Variants in ZNF382 observed in about 807,000 individuals in gnomAD.
ZNF382 encodes KRAB/zinc finger suppressor protein 1.
Under a neutral mutation model 38.8 loss-of-function variants are expected in ZNF382, and 20 were observed. That is an observed-to-expected ratio of 0.51 (90% CI 0.36 to 0.75). The LOEUF (loss-of-function observed/expected upper bound fraction) is 0.75. Among genes scored for constraint, ZNF382 ranks in the 30% least tolerant of loss-of-function variants. The probability of loss-of-function intolerance (pLI) is 0.00; values close to 1 mark genes in which losing one functional copy is unlikely to be tolerated. For missense variants in ZNF382, 546 were observed against 654.1 expected, an observed-to-expected ratio of 0.83 and a Z score of 1.80; for synonymous variants, 202 against 223.1, an observed-to-expected ratio of 0.91 and a Z score of 0.84.
rs1568632290 is a variant in ZNF382 at position 36,626,314 on chromosome 19, T to C, written c.417T>C (p.Asp139=). 6.3e-7 allele frequency: 1 copy of C among 1,584,290 alleles called. No homozygotes were observed. Among genetic ancestry groups the C allele is most frequent in the African/African-American group, 1.4e-5 (1 of 72,996 alleles). ...SKTILCEYKP[D]GKVLKNISEL... is the part of the protein sequence containing the mutation. The stretch of plus-strand genomic sequence containing the variant: ...CAATACTATGTGAATATAAACCTGA[T>C]GGAAAAGTTTTGAAAAATATTTCAG... Residue 139 remains aspartate (D), a synonymous_variant, in exon 5 of 5, where the codon GAT becomes GAC. Coordinates refer to ENST00000292928, the MANE Select transcript of ZNF382 (RefSeq NM_032825.5).
chr19:36,626,720 A>G lies in ZNF382; in HGVS notation c.823A>G (p.Lys275Glu), dbSNP rs767533735. 1 of 1,614,110 alleles carries G rather than the reference A, an allele frequency of 6.2e-7. No homozygotes were observed. Among genetic ancestry groups the G allele is most frequent in the Non-Finnish European group, 8.5e-7 (1 of 1,180,038 alleles). ...KKPSAYNKYG[K>E]FLCRKPVFIM... ...GCCCTCTGCCTACAACAAATATGGG[A>G]AATTCCTCTGCAGAAAGCCTGTTTT... The change falls in exon 5 of 5, where the codon AAA (lysine) becomes GAA (glutamate). Residue 275 changes from lysine (K) to glutamate (E), a missense_variant. By Grantham distance (56) the Lys-to-Glu change is moderately conservative. Transcript: ENST00000292928.
chr19:36,623,526 A>T (rs2037185804), intron 4 of ZNF382, among the ~76,000 whole-genome samples: 1 of 152,090 alleles, frequency 6.6e-6, no homozygotes, highest in South Asian at 2.1e-4. Context: ...GCAGTCGCTC[A>T]CTCCTGTAAT....
chr19:36,607,691 C>T, intron 2 of ZNF382, 69 bp downstream of exon 2: 1 of 1,381,878 alleles, frequency 7.2e-7, no homozygotes, highest in Non-Finnish European at 9.6e-7. Flanking sequence ...GCTTCACTGT[C>T]CTTTAACCTT....
At chr19:36,626,016 TG>T in intron 4 of ZNF382, 113 bp from the exon 5 acceptor site, 1 of 637,012 alleles carries the variant, frequency 1.6e-6, no homozygotes, top group Non-Finnish European at 2.4e-6. Flanking sequence ...TAATTTATTC[TG>T]GCCTTTTTGT....
chr19:36,615,461 C>G (rs917455920), intron 4 of ZNF382, among the ~76,000 whole-genome samples: 4 of 152,182 alleles, frequency 2.6e-5, no homozygotes, highest in African/African-American at 9.7e-5. Flanking sequence ...CATATTTCCT[C>G]ATAGTACAAT....
chr19:36,611,332 C>G (rs1220703372), intron 4 of ZNF382, among the ~76,000 whole-genome samples: 1 of 151,948 alleles, frequency 6.6e-6, no homozygotes, highest in Non-Finnish European at 1.5e-5. Flanking sequence ...ATCCCTACTC[C>G]CTAGCCATGC....
rs540741810 is a variant in ZNF382 at position 36,606,198 on chromosome 19, A to G, written c.-85+851A>G. Among the ~76,000 whole-genome samples, 17 of 152,308 alleles carry G rather than the reference A, an allele frequency of 1.1e-4. No individual in the cohort carries two copies. In the East Asian group the frequency reaches 3.3e-3, roughly 29 times the overall value. On this transcript the variant is annotated intron_variant, in intron 1 of 4. Transcript: ENST00000292928. ...TAGCAAATAAAATAGAGATAACAGTATCAGAGGGGAAGAGATGATTTTCAT... is the reference window on the plus strand; with the variant it reads ...TAGCAAATAAAATAGAGATAACAGTGTCAGAGGGGAAGAGATGATTTTCAT...
At position 36,629,470 on chromosome 19, in the gene ZNF382, TCAAG is replaced by T. The variant is rs1229863277; in HGVS notation, c.*1925_*1928del. On this transcript the variant is annotated 3_prime_UTR_variant, in exon 5 of 5. Transcript: ENST00000292928. Reference sequence around the variant, plus strand: ...CCCAACTGGTACCACAAATGAGACCTCAAGCAAGAACTGCCCAGCTGAGGCCTTC... The same window carrying T: ...CCCAACTGGTACCACAAATGAGACCTCAAGAACTGCCCAGCTGAGGCCTTC... 1 of 152,138 alleles carries T rather than the reference TCAAG, an allele frequency of 6.6e-6. No homozygotes were observed. Among genetic ancestry groups the T allele is most frequent in the African/African-American group, 2.4e-5 (1 of 41,428 alleles). 9.4% of individuals were successfully genotyped at this position (152,138 alleles called of 1,614,324 possible). A position where few individuals can be genotyped will look rare whatever the true frequency, so the allele number is the denominator to read the frequency against.
intron 4 of ZNF382, among the ~76,000 whole-genome samples, chr19:36,625,833 A>G (rs1334234168): frequency 6.6e-6 from 1 of 152,208 alleles, no homozygotes; most frequent in Non-Finnish European, 1.5e-5. Context: ...TGTTGGGATT[A>G]CAGCCATGAG....
At chr19:36,610,393 T>C in intron 3 of ZNF382, 1 of 388,158 alleles carries the variant, frequency 2.6e-6, no homozygotes, top group African/African-American at 2.1e-5. Context: ...GGAGACGAGG[T>C]TGCAGTGAGT....
chr19:36,614,341 A>G (rs2037104047), intron 4 of ZNF382, among the ~76,000 whole-genome samples: 1 of 152,194 alleles, frequency 6.6e-6, no homozygotes, highest in African/African-American at 2.4e-5. Flanking sequence ...CTCCATCTCA[A>G]AAAAAGCAAA....
chr19:36,607,780 G>A, intron 2 of ZNF382, 158 bp downstream of exon 2: 2 of 760,472 alleles, frequency 2.6e-6, no homozygotes, highest in Non-Finnish European at 4.1e-6. Flanking sequence ...AGTGGCATGA[G>A]GTGAAATATT....
chr19:36,632,039 T>G lies in ZNF382; in HGVS notation c.*4489T>G, dbSNP rs1358676939. ...AGCAAAAGAAAGGGAAGGTAAGCAT[T>G]AGGGCTCAGAATCATCTAGCTGCAC... On this transcript the variant is annotated 3_prime_UTR_variant, in exon 5 of 5. Coordinates refer to ENST00000292928, the MANE Select transcript of ZNF382 (RefSeq NM_032825.5). The G allele has an allele frequency of 6.6e-6, 1 of 152,222 alleles. No individual in the cohort carries two copies. Among genetic ancestry groups the G allele is most frequent in the African/African-American group, 2.4e-5 (1 of 41,434 alleles). The allele number at this position is 152,222 out of a possible 1,614,324, so 9.4% of individuals were successfully genotyped here.
At position 36,630,098 on chromosome 19, in the gene ZNF382, A is replaced by T. The variant is rs893616025; in HGVS notation, c.*2548A>T. On this transcript the variant is annotated 3_prime_UTR_variant, in exon 5 of 5. Coordinates refer to ENST00000292928, the MANE Select transcript of ZNF382 (RefSeq NM_032825.5). ...TACATACCTTAATAATTACAACTCA[A>T]TTGAGGGGTCCATATATATTCTTTC... is the stretch of plus-strand genomic sequence containing the variant. 6.6e-6 allele frequency: 1 copy of T among 152,192 alleles called. No individual in the cohort carries two copies. The allele number at this position is 152,192 out of a possible 1,614,324, so 9.4% of individuals were successfully genotyped here.
At position 36,626,211 on chromosome 19, in the gene ZNF382, AC is replaced by A. The variant is rs1258484797; in HGVS notation, c.316del (p.His106ThrfsTer4). On this transcript the variant is annotated frameshift_variant, in exon 5 of 5. Transcript: ENST00000292928. LOFTEE classifies it low-confidence loss of function (END_TRUNC). ...DRHSRPLIFINHKKLIKERSN... is the reference protein window; with the variant it reads ...DRHSRPLIFIXHKKLIKERSN... ...CATTCTAGACCCCTCATATTCATCA[AC>A]CACAAAAAACTAATTAAGGAGAGAA... 6.2e-7 allele frequency: 1 copy of A among 1,602,842 alleles called. No homozygotes were observed. Among genetic ancestry groups the A allele is most frequent in the East Asian group, 2.2e-5 (1 of 44,788 alleles).
Position 36,627,407 on chromosome 19 carries a change from A to T in ZNF382, c.1510A>T (p.Lys504Ter). The T allele has an allele frequency of 6.2e-7, 1 of 1,614,226 alleles. No homozygotes were observed. The highest frequency in any genetic ancestry group is 8.5e-7 in the Non-Finnish European group (1 of 1,180,036). ...TCAGTGTGGGAAAGCCTTCAGTAGG[A>T]AATCAAACCTCATTCGCCATCAGAA... The part of the protein sequence containing the change: ...CPQCGKAFSR[K>*]SNLIRHQKTH... Residue 504 changes from lysine to a stop codon, truncating the protein, a stop_gained, in exon 5 of 5, where the codon AAA (lysine) becomes TAA (stop). Coordinates refer to ENST00000292928, the MANE Select transcript of ZNF382 (RefSeq NM_032825.5). LOFTEE classifies it high-confidence loss of function.
rs568880727 is a variant in ZNF382 at position 36,627,723 on chromosome 19, CAAATT to C, written c.*175_*179del. ...ACACACACACACAAATATTATTAGA[CAAATT>C]AGATGACAAAAATCATTAAGAAGTC... On this transcript the variant is annotated 3_prime_UTR_variant, in exon 5 of 5. Transcript: ENST00000292928. The C allele has an allele frequency of 6.9e-5, 35 of 508,782 alleles. No individual in the cohort carries two copies. In the South Asian group the frequency reaches 1.1e-3, roughly 15 times the overall value. The allele number at this position is 508,782 out of a possible 1,614,324, so 31.5% of individuals were successfully genotyped here.
At chr19:36,613,129 T>C (rs1277673995) in intron 4 of ZNF382, among the ~76,000 whole-genome samples, 4 of 152,182 alleles carry the variant, frequency 2.6e-5, no homozygotes, top group Non-Finnish European at 4.4e-5. Flanking sequence ...TTAGGTAGTA[T>C]GTATTTTTCC....
Position 36,627,648 on chromosome 19 carries a change from C to T in ZNF382, c.*98C>T. ...ATATCCAACAGTTTAAGGTACTATA[C>T]CACATGGTAACCTACTGTTTGCCAG... is the stretch of plus-strand genomic sequence containing the variant. On this transcript the variant is annotated 3_prime_UTR_variant, in exon 5 of 5. Coordinates refer to ENST00000292928, the MANE Select transcript of ZNF382 (RefSeq NM_032825.5). 7 of 793,510 alleles carry T rather than the reference C, an allele frequency of 8.8e-6. No individual in the cohort carries two copies. In the South Asian group the frequency reaches 1.3e-4, roughly 14 times the overall value. The allele number at this position is 793,510 out of a possible 1,614,324, so 49.2% of individuals were successfully genotyped here. A position where few individuals can be genotyped will look rare whatever the true frequency, so the allele number is the denominator to read the frequency against.
Sources: gnomAD v4.1 joint callset for allele counts (sites outside exome capture counted in the v4.1 genomes callset) on GRCh38, gnomAD v4.1.1 for gene constraint, MANE v1.5 for transcripts, NCBI Gene and HGNC (gene_info 2026-07-23, HGNC 2026-07-21) for gene names.